Variants in TMEM106B observed in about 807,000 individuals in gnomAD.
TMEM106B encodes the protein transmembrane protein 106B.
In TMEM106B, 15 loss-of-function variants were observed where a neutral mutation model predicts 31.1. The observed-to-expected ratio is 0.48, with a 90% CI of 0.32 to 0.74. The LOEUF (loss-of-function observed/expected upper bound fraction) is 0.74. TMEM106B is among the 30% of genes least tolerant of loss of function. TMEM106B has a pLI of 0.03. For missense variants in TMEM106B, 283 were observed against 327.3 expected, an observed-to-expected ratio of 0.86 and a Z score of 1.04; for synonymous variants, 126 against 112.5, an observed-to-expected ratio of 1.12 and a Z score of -0.76.
At chr7:12,222,633 C>T (rs918902491) in intron 3 of TMEM106B, among the ~76,000 whole-genome samples, 3 of 152,222 alleles carry the variant, frequency 2.0e-5, no homozygotes, top group African/African-American at 4.8e-5. Flanking sequence ...ATACTATAAA[C>T]GTGTTTAAAT....
chr7:12,227,554 TACA>T (rs1781925628), intron 4 of TMEM106B, among the ~76,000 whole-genome samples: 1 of 140,430 alleles, frequency 7.1e-6, no homozygotes, highest in Admixed American at 7.1e-5. Context: ...TGTAGTCTTT[TACA>T]TGATCATATT....
rs192719289 is a variant in TMEM106B, at chr7:12,236,492, T to C, written c.*4517T>C. On this transcript the variant is annotated 3_prime_UTR_variant, in exon 8 of 8. Transcript: ENST00000396668. ...TTCTAAAAGGAAGCTGTTACCCTTC[T>C]GTTTTTAATTACATTAATTGAAATG... 1 of 152,124 alleles carries C rather than the reference T, an allele frequency of 6.6e-6. No homozygotes were observed. The highest frequency in any genetic ancestry group is 1.9e-4 in the East Asian group (1 of 5,184). 9.4% of individuals were successfully genotyped at this position (152,124 alleles called of 1,614,324 possible). A position where few individuals can be genotyped will look rare whatever the true frequency, so the allele number is the denominator to read the frequency against.
chr7:12,222,503 C>T (rs1166506134), intron 3 of TMEM106B, among the ~76,000 whole-genome samples: 1 of 152,112 alleles, frequency 6.6e-6, no homozygotes, highest in African/African-American at 2.4e-5. Context: ...GATGGATTCA[C>T]CCGCCCATAA....
rs1782056395 is a variant in TMEM106B at position 12,232,993 on chromosome 7, G to A, written c.*1018G>A. On this transcript the variant is annotated 3_prime_UTR_variant, in exon 8 of 8. Transcript: ENST00000396668. The stretch of plus-strand genomic sequence containing the variant: ...TTATCAATTTTATCAATGTTTTAGA[G>A]GAGGAAATTATTTTTTTGGTAGAAA... The A allele has an allele frequency of 6.6e-6, 1 of 151,660 alleles. No individual in the cohort carries two copies. The highest frequency in any genetic ancestry group is 2.4e-5 in the African/African-American group (1 of 41,362). The allele number at this position is 151,660 out of a possible 1,614,324, so 9.4% of individuals were successfully genotyped here.
Position 12,214,900 on chromosome 7 carries a change from G to A in TMEM106B, c.90G>A (p.Leu30=). The change falls in exon 2 of 8, where the codon CTG becomes CTA. Residue 30 remains leucine, a synonymous_variant. Coordinates refer to ENST00000396668, the MANE Select transcript of TMEM106B (RefSeq NM_001134232.2). ...GVTSENMRNG[L]VNSEVHNEDG... ...CATCTGAAAACATGAGGAATGGACT[G>A]GTTAATAGTGAAGTCCATAATGAAG... 2.5e-6 allele frequency: 4 copies of A among 1,613,848 alleles called. No homozygotes were observed. Among genetic ancestry groups the A allele is most frequent in the Non-Finnish European group, 3.4e-6 (4 of 1,179,802 alleles).
chr7:12,231,208 C>T, intron 7 of TMEM106B, 93 bp downstream of exon 7: 1 of 918,506 alleles, frequency 1.1e-6, no homozygotes, highest in South Asian at 1.5e-5. Context: ...TTTATAAATG[C>T]CACCTCAGTT....
At chr7:12,212,566 C>T (rs1383366243) in intron 1 of TMEM106B, among the ~76,000 whole-genome samples, 15 of 149,220 alleles carry the variant, frequency 1.0e-4, no homozygotes, top group Admixed American at 1.0e-3. Flanking sequence ...TTTTTAAATT[C>T]TGTTTATTTG....
At chr7:12,230,304 C>A (rs1194555267) in intron 5 of TMEM106B, 85 bp from the exon 6 acceptor site, 10 of 986,394 alleles carry the variant, frequency 1.0e-5, no homozygotes, top group Non-Finnish European at 1.6e-5. Context: ...AGAAAAATTT[C>A]TAATTATTTG....
chr7:12,212,329 T>C (rs774100186), intron 1 of TMEM106B, among the ~76,000 whole-genome samples: 1 of 152,136 alleles, frequency 6.6e-6, no homozygotes, highest in Non-Finnish European at 1.5e-5. Context: ...TCCCAATTCA[T>C]CTAGTGTTCC....
At chr7:12,230,259 A>G (rs183502978) in intron 5 of TMEM106B, 130 bp from the exon 6 acceptor site, 9 of 750,330 alleles carry the variant, frequency 1.2e-5, no homozygotes, top group Non-Finnish European at 2.1e-5. Context: ...ATACACATAC[A>G]AGATGAAATC....
chr7:12,237,570 C>G lies in TMEM106B; in HGVS notation c.*5595C>G, dbSNP rs758201732. ...TAAAGTGATATAATCAAGCAAGTTA[C>G]ACACCTTTTTTTGGTTTCCCAGTGC... is the stretch of plus-strand genomic sequence containing the variant. On this transcript the variant is annotated 3_prime_UTR_variant, in exon 8 of 8. Coordinates refer to ENST00000396668, the MANE Select transcript of TMEM106B (RefSeq NM_001134232.2). 1 of 152,084 alleles carries G rather than the reference C, an allele frequency of 6.6e-6. No individual in the cohort carries two copies. The highest frequency in any genetic ancestry group is 1.5e-5 in the Non-Finnish European group (1 of 68,010). The allele number at this position is 152,084 out of a possible 1,614,324, so 9.4% of individuals were successfully genotyped here.
intron 4 of TMEM106B, among the ~76,000 whole-genome samples, chr7:12,227,988 T>C (rs7792410): frequency 0.51 from 76,652 of 151,632 alleles, 20,506 homozygotes; most frequent in African/African-American, 0.67. Context: ...CTTCCAAGAT[T>C]CTTCTAAATT....
intron 1 of TMEM106B, chr7:12,214,294 C>G (rs1562701924): frequency 6.6e-6 from 1 of 152,518 alleles, no homozygotes; most frequent in South Asian, 2.1e-4. Context: ...CTGAAGCCTG[C>G]TACCTGGAGG....
At position 12,224,265 on chromosome 7, in the gene TMEM106B, C is replaced by T. The variant is rs1781852127; in HGVS notation, c.321C>T (p.Leu107=). 6.2e-7 allele frequency: 1 copy of T among 1,613,944 alleles called. No homozygotes were observed. Among genetic ancestry groups the T allele is most frequent in the African/African-American group, 1.3e-5 (1 of 74,906 alleles). ...TGGCTTCTGTGTTTGTCTGTCTACT[C>T]CTTTCTGGATTGGCTGTGTTTTTCC... ...YVMASVFVCL[L]LSGLAVFFLF... Residue 107 remains leucine (L), a synonymous_variant, in exon 4 of 8, where the codon CTC becomes CTT. Coordinates refer to ENST00000396668, the MANE Select transcript of TMEM106B (RefSeq NM_001134232.2).
chr7:12,236,864 A>G lies in TMEM106B; in HGVS notation c.*4889A>G, dbSNP rs1453930203. ...TCATCTTATATTTTTCTTTAGAACT[A>G]AACTATAACAGATTTTGGAAAATGA... On this transcript the variant is annotated 3_prime_UTR_variant, in exon 8 of 8. Coordinates refer to ENST00000396668, the MANE Select transcript of TMEM106B (RefSeq NM_001134232.2). 1 of 152,094 alleles carries G rather than the reference A, an allele frequency of 6.6e-6. No individual in the cohort carries two copies. The highest frequency in any genetic ancestry group is 1.5e-5 in the Non-Finnish European group (1 of 67,952). 9.4% of individuals were successfully genotyped at this position (152,094 alleles called of 1,614,324 possible).
chr7:12,216,635 T>G (rs550765154), intron 2 of TMEM106B, among the ~76,000 whole-genome samples: 85 of 152,244 alleles, frequency 5.6e-4, no homozygotes, highest in African/African-American at 2.0e-3. Flanking sequence ...TAGCGAATCC[T>G]GAGACACTGT....
Position 12,240,201 on chromosome 7 carries a change from C to A in TMEM106B, c.*8226C>A, listed in dbSNP as rs946005249. ...CATTGGGAACAGTTCATTCCTTTAT[C>A]CCTTCGCTCATTCTGTTCCTTTTTT... is the stretch of plus-strand genomic sequence containing the variant. On this transcript the variant is annotated 3_prime_UTR_variant, in exon 8 of 8. Coordinates refer to ENST00000396668, the MANE Select transcript of TMEM106B (RefSeq NM_001134232.2). 1.3e-5 allele frequency: 2 copies of A among 152,162 alleles called. No individual in the cohort carries two copies. Among genetic ancestry groups the A allele is most frequent in the Admixed American group, 1.3e-4 (2 of 15,260 alleles). 9.4% of individuals were successfully genotyped at this position (152,162 alleles called of 1,614,324 possible).
rs554839582 is a variant in TMEM106B, at chr7:12,237,358, T to G, written c.*5383T>G. On this transcript the variant is annotated 3_prime_UTR_variant, in exon 8 of 8. Transcript: ENST00000396668. ...TTAATCCTTTTCATCCTTATAGTCC[T>G]TACCTGAACTCTACTTTAGCATTAT... 3.7e-4 allele frequency: 56 copies of G among 150,946 alleles called. No homozygotes were observed. The highest frequency in any genetic ancestry group is 1.3e-3 in the African/African-American group (55 of 41,486). 9.4% of individuals were successfully genotyped at this position (150,946 alleles called of 1,614,324 possible).
At chr7:12,222,004 G>T (rs1242592828) in intron 3 of TMEM106B, among the ~76,000 whole-genome samples, 3 of 152,122 alleles carry the variant, frequency 2.0e-5, no homozygotes, top group African/African-American at 7.2e-5. Context: ...ACAACTTTGG[G>T]TCTTTATTTC....
Sources: gnomAD v4.1 joint callset for allele counts (sites outside exome capture counted in the v4.1 genomes callset) on GRCh38, gnomAD v4.1.1 for gene constraint, MANE v1.5 for transcripts, NCBI Gene and HGNC (gene_info 2026-07-23, HGNC 2026-07-21) for gene names.